Variants in AGBL1 observed in about 807,000 individuals in gnomAD.
AGBL1 encodes the protein cytosolic carboxypeptidase 4.
Under a neutral mutation model 118.9 loss-of-function variants are expected in AGBL1, and 130 were observed. The observed-to-expected ratio is 1.09, with a 90% confidence interval of 0.95 to 1.26. AGBL1 has a LOEUF of 1.26. Ranked by LOEUF, AGBL1 falls within the 50% of genes most tolerant of loss-of-function variation. AGBL1 has a pLI of 0.00. For missense variants in AGBL1, 1,584 were observed against 1,298.1 expected, an observed-to-expected ratio of 1.22 and a Z score of -3.38; for synonymous variants, 555 against 478.9, an observed-to-expected ratio of 1.16 and a Z score of -2.08.
At chr15:86,391,921 A>G (rs1348685296) in intron 17 of AGBL1, among the ~76,000 whole-genome samples, 1 of 152,092 alleles carries the variant, frequency 6.6e-6, no homozygotes, top group African/African-American at 2.4e-5. Flanking sequence ...TTGGCAAACA[A>G]TTAAACTGGA....
chr15:86,733,598 T>G (rs1188151204), intron 22 of AGBL1, among the ~76,000 whole-genome samples: 1 of 152,014 alleles, frequency 6.6e-6, no homozygotes, highest in African/African-American at 2.4e-5. Context: ...TTCCCAGTGG[T>G]TTGTTGTTGT....
chr15:86,517,187 G>C lies in AGBL1; in HGVS notation c.2556-5623G>C, dbSNP rs76631877. 9.1e-4 allele frequency among the ~76,000 whole-genome samples: 138 copies of C among 152,314 alleles called. 1 individual carries two copies. The highest frequency in any genetic ancestry group is 3.2e-3 in the African/African-American group (131 of 41,574). ...CTAAAAGTCCTAAATATGTGTTCTA[G>C]TTCTGGAAGCATGGTGGCAATAAAT... On this transcript the variant is annotated intron_variant, in intron 18 of 22. Coordinates refer to ENST00000614907, the MANE Select transcript of AGBL1 (RefSeq NM_001386094.1).
chr15:86,561,215 C>A (rs1295081820), intron 21 of AGBL1, among the ~76,000 whole-genome samples: 1 of 152,166 alleles, frequency 6.6e-6, no homozygotes, highest in African/African-American at 2.4e-5. Context: ...CTTGCCCACG[C>A]CTATGTCCTG....
intron 18 of AGBL1, among the ~76,000 whole-genome samples, chr15:86,468,137 A>G (rs1048431314): frequency 6.6e-6 from 1 of 152,126 alleles, no homozygotes; most frequent in African/African-American, 2.4e-5. Context: ...TCCTACCTGC[A>G]GATACTTGGA....
chr15:86,862,053 C>T (rs773868357), intron 22 of AGBL1, among the ~76,000 whole-genome samples: 1 of 152,108 alleles, frequency 6.6e-6, no homozygotes, highest in African/African-American at 2.4e-5. Context: ...TACTCTTGTC[C>T]AAGCTACCAA....
At chr15:86,404,197 GC>G (rs1359208298) in intron 18 of AGBL1, among the ~76,000 whole-genome samples, 1 of 152,106 alleles carries the variant, frequency 6.6e-6, no homozygotes, top group Non-Finnish European at 1.5e-5. Context: ...GCGCAGCCTT[GC>G]CCAGATTTCT....
chr15:86,154,339 C>A, intron 3 of AGBL1, 91 bp from the exon 4 acceptor site: 1 of 1,410,206 alleles, frequency 7.1e-7, no homozygotes, highest in African/African-American at 1.4e-5. Flanking sequence ...TATCCTCCTC[C>A]TTCACCATCT....
chr15:86,184,429 C>CTTTTTTTTTTTT (rs199807402), intron 5 of AGBL1, among the ~76,000 whole-genome samples: 2 of 144,454 alleles, frequency 1.4e-5, no homozygotes, highest in African/African-American at 5.0e-5. Context: ...TTTCTTTTTT[C>CTTTTTTTTTTTT]TTTCTTTTTT....
chr15:86,703,840 C>CT (rs911077057), intron 22 of AGBL1, among the ~76,000 whole-genome samples: 18 of 151,690 alleles, frequency 1.2e-4, no homozygotes, highest in African/African-American at 2.9e-4. Flanking sequence ...AATTAAATCT[C>CT]TTTTTTTTAG....
At chr15:86,665,776 T>A (rs987070235) in intron 21 of AGBL1, among the ~76,000 whole-genome samples, 11 of 151,944 alleles carry the variant, frequency 7.2e-5, no homozygotes, top group African/African-American at 2.7e-4. Flanking sequence ...TTTTTTTTTT[T>A]ATATTTGGGG....
At chr15:86,110,797 AC>A (rs1361211581) in intron 1 of AGBL1, among the ~76,000 whole-genome samples, 1 of 152,164 alleles carries the variant, frequency 6.6e-6, no homozygotes, top group Non-Finnish European at 1.5e-5. Context: ...CAGTTTCTGA[AC>A]GAGCCTAGCA....
chr15:86,571,253 C>T (rs537494962), intron 21 of AGBL1, among the ~76,000 whole-genome samples: 1 of 152,218 alleles, frequency 6.6e-6, no homozygotes, highest in African/African-American at 2.4e-5. Flanking sequence ...CTGCTCTTCA[C>T]TCCCAACATG....
intron 21 of AGBL1, among the ~76,000 whole-genome samples, chr15:86,628,722 G>A (rs1033770482): frequency 6.6e-6 from 1 of 152,086 alleles, no homozygotes; most frequent in Non-Finnish European, 1.5e-5. Context: ...CATGAACCCG[G>A]GAGGCGGAGC....
chr15:86,476,307 C>A (rs549245850), intron 18 of AGBL1, among the ~76,000 whole-genome samples: 21 of 152,228 alleles, frequency 1.4e-4, no homozygotes, highest in Non-Finnish European at 2.9e-4. Context: ...AGAATCAAAA[C>A]CCATCAGTGT....
chr15:86,920,770 A>ATT (rs1286576080), downstream of AGBL1, among the ~76,000 whole-genome samples: 3 of 152,152 alleles, frequency 2.0e-5, no homozygotes, highest in Non-Finnish European at 4.4e-5. Flanking sequence ...TTGAGTTGTG[A>ATT]TTTGAACTCG....
At chr15:86,311,411 T>G (rs1285193337) in intron 17 of AGBL1, among the ~76,000 whole-genome samples, 2 of 152,250 alleles carry the variant, frequency 1.3e-5, no homozygotes, top group African/African-American at 4.8e-5. Context: ...AAGGTCTGTT[T>G]GTAATTTGAA....
chr15:86,293,021 A>C (rs1434615180), intron 16 of AGBL1, among the ~76,000 whole-genome samples: 1 of 152,200 alleles, frequency 6.6e-6, no homozygotes, highest in East Asian at 1.9e-4. Context: ...CTGAGGCTAG[A>C]GAAAGGCCAT....
chr15:86,620,652 A>G (rs1243989637), intron 21 of AGBL1, among the ~76,000 whole-genome samples: 1 of 152,072 alleles, frequency 6.6e-6, no homozygotes, highest in Admixed American at 6.6e-5. Context: ...CCCTTTTATC[A>G]ATTTCCTACC....
chr15:86,491,572 C>A (rs1021866260), intron 18 of AGBL1, among the ~76,000 whole-genome samples: 1 of 151,990 alleles, frequency 6.6e-6, no homozygotes, highest in Non-Finnish European at 1.5e-5. Context: ...ATTCTTACAG[C>A]TTCCAGGAAA....
Sources: gnomAD v4.1 joint callset for allele counts (sites outside exome capture counted in the v4.1 genomes callset) on GRCh38, gnomAD v4.1.1 for gene constraint, MANE v1.5 for transcripts, NCBI Gene and HGNC (gene_info 2026-07-23, HGNC 2026-07-21) for gene names.